VRK3: variants seen among roughly 807,000 people sequenced by gnomAD.
VRK3 encodes serine/threonine-protein kinase VRK3.
VRK3 carries 50 observed loss-of-function variants against 60.4 expected under a neutral mutation model. That is an observed-to-expected ratio of 0.83 (90% CI 0.66 to 1.05). VRK3 has a LOEUF of 1.05. Ranked by LOEUF, VRK3 falls within the 50% of genes least tolerant of loss-of-function variation. The pLI is 0.00. For missense variants in VRK3, 549 were observed against 585.3 expected, an observed-to-expected ratio of 0.94 and a Z score of 0.64; for synonymous variants, 246 against 227.8, an observed-to-expected ratio of 1.08 and a Z score of -0.72.
In VRK3 at chr19:49,994,985, G is replaced by A. The variant is rs574089274; in HGVS notation, c.765-66C>T. 12 of 1,489,292 alleles carry A rather than the reference G, an allele frequency of 8.1e-6. No individual in the cohort carries two copies. The East Asian group carries it at 1.9e-4, about 23-fold the overall frequency. The allele number at this position is 1,489,292 out of a possible 1,614,324, so 92.3% of individuals were successfully genotyped here. A position where few individuals can be genotyped will look rare whatever the true frequency, so the allele number is the denominator to read the frequency against. ...GGGAGAGAGGAGTACCGGCCGCCAAGGATGGACTGTTGCGTGGGCTGCAAG... is the reference window on the plus strand; with the variant it reads ...GGGAGAGAGGAGTACCGGCCGCCAAAGATGGACTGTTGCGTGGGCTGCAAG... On this transcript the variant is annotated intron_variant, in intron 8 of 14. Transcript: ENST00000316763.
chr19:50,005,746 G>A lies in VRK3; in HGVS notation c.547+1823C>T, dbSNP rs1207320440. Among the ~76,000 whole-genome samples, 4 of 149,720 alleles carry A rather than the reference G, an allele frequency of 2.7e-5. No homozygotes were observed. The East Asian group carries it at 5.8e-4, about 22-fold the overall frequency. ...CATGGATGCACCTTGAGCACACGCC[G>A]CTGGGTGAGGGATGCCAGACACAAG... On this transcript the variant is annotated intron_variant, in intron 5 of 14. Transcript: ENST00000316763.
chr19:49,988,084 G>C (rs972344608), intron 12 of VRK3: 1 of 261,462 alleles, frequency 3.8e-6, no homozygotes, highest in East Asian at 8.5e-5. Context: ...AGTCCCATAA[G>C]GTAGTAGCTA....
rs140104184 is a variant in VRK3, at chr19:50,020,974, A to G, written c.-64-327T>C. 2.0e-3 allele frequency among the ~76,000 whole-genome samples: 300 copies of G among 152,340 alleles called. 2 individuals are homozygous for G. Among genetic ancestry groups the G allele is most frequent in the African/African-American group, 5.3e-3 (220 of 41,572 alleles). On this transcript the variant is annotated intron_variant, in intron 1 of 14. Coordinates refer to ENST00000316763, the MANE Select transcript of VRK3 (RefSeq NM_016440.4). ...ACAATAAAGTACCATAGAAGAAAACAGGATGCCACAGAGGTTGGTGGGTCA... is the reference window on the plus strand; with the variant it reads ...ACAATAAAGTACCATAGAAGAAAACGGGATGCCACAGAGGTTGGTGGGTCA...
rs138464299 is a variant in VRK3, at chr19:50,023,471, G to A, written c.-65+1796C>T. ...CCTGGGATTACAGGCTCGAGCCACC[G>A]TGCCTGGCCCTGGACACCATTTTAC... On this transcript the variant is annotated intron_variant, in intron 1 of 14. Coordinates refer to ENST00000316763, the MANE Select transcript of VRK3 (RefSeq NM_016440.4). 7.4e-3 allele frequency among the ~76,000 whole-genome samples: 1,132 copies of A among 152,264 alleles called. 10 individuals carry two copies. The highest frequency in any genetic ancestry group is 0.013 in the Non-Finnish European group (884 of 68,020).
At chr19:50,003,271 A>G (rs1485573257) in intron 5 of VRK3, among the ~76,000 whole-genome samples, 1 of 152,178 alleles carries the variant, frequency 6.6e-6, no homozygotes, top group Non-Finnish European at 1.5e-5. Context: ...TAAACTTCGT[A>G]CCCAGTGATT....
chr19:50,000,207 T>G (rs2076778121), intron 6 of VRK3: 1 of 152,880 alleles, frequency 6.5e-6, no homozygotes, highest in Non-Finnish European at 1.5e-5. Context: ...CACGATGCCC[T>G]TCTGTTAGGC....
chr19:50,003,452 C>T (rs927044980), intron 5 of VRK3, among the ~76,000 whole-genome samples: 4 of 152,250 alleles, frequency 2.6e-5, no homozygotes, highest in Non-Finnish European at 5.9e-5. Flanking sequence ...CTGCTGCTCA[C>T]GGGCAGCTCT....
intron 5 of VRK3, among the ~76,000 whole-genome samples, chr19:50,002,599 G>A (rs1318414074): frequency 6.6e-6 from 1 of 152,178 alleles, no homozygotes; most frequent in Non-Finnish European, 1.5e-5. Context: ...TTTATAATCT[G>A]CTTTGCAGAT....
chr19:49,980,798 T>C (rs938959045), intron 13 of VRK3, among the ~76,000 whole-genome samples, 157 bp downstream of exon 13: 1 of 152,204 alleles, frequency 6.6e-6, no homozygotes, highest in Non-Finnish European at 1.5e-5. Flanking sequence ...AGTGAATCTT[T>C]TGACGATTTT....
At chr19:49,979,595 T>C (rs2076389010) in intron 13 of VRK3, among the ~76,000 whole-genome samples, 1 of 152,102 alleles carries the variant, frequency 6.6e-6, no homozygotes. Context: ...CATATAAATA[T>C]TTAGCATGTA....
intron 11 of VRK3, among the ~76,000 whole-genome samples, chr19:49,989,023 T>A (rs2076565340): frequency 6.6e-6 from 1 of 152,184 alleles, no homozygotes; most frequent in African/African-American, 2.4e-5. Context: ...CAACGCTTTG[T>A]GTAAGCACTC....
At position 50,007,625 on chromosome 19, in the gene VRK3, C is replaced by G; in HGVS notation, c.491G>C (p.Arg164Pro). The G allele has an allele frequency of 6.2e-7, 1 of 1,614,216 alleles. No individual in the cohort carries two copies. The highest frequency in any genetic ancestry group is 2.2e-5 in the East Asian group (1 of 44,888). ...TGTVLTDKSG[R>P]QWKLKSFQTR... ...CTGGAAGGACTTCAGCTTCCACTGT[C>G]GCCCACTCTTGTCTGTCAGCACTGT... is the stretch of plus-strand genomic sequence containing the variant. Residue 164 changes from arginine (R) to proline (P), a missense_variant, in exon 5 of 15, where the codon CGA becomes CCA. By Grantham distance (103) the Arg-to-Pro change is moderately radical. Transcript: ENST00000316763.
At chr19:50,010,059 T>TATATATATATAC (rs143020431) in intron 3 of VRK3, among the ~76,000 whole-genome samples, 1 of 150,996 alleles carries the variant, frequency 6.6e-6, no homozygotes, top group African/African-American at 2.4e-5. Flanking sequence ...TATATATATA[T>TATATATATATAC]ACACACACAC....
chr19:50,003,000 G>A (rs1200193800), intron 5 of VRK3, among the ~76,000 whole-genome samples: 4 of 152,170 alleles, frequency 2.6e-5, no homozygotes, highest in Non-Finnish European at 4.4e-5. Context: ...CGTTTTCCCG[G>A]CATCACTCTA....
At chr19:50,022,931 C>T (rs2077194114) in intron 1 of VRK3, among the ~76,000 whole-genome samples, 1 of 152,048 alleles carries the variant, frequency 6.6e-6, no homozygotes, top group Admixed American at 6.6e-5. Flanking sequence ...GTATGATCTG[C>T]CACTTCCCTG....
chr19:49,990,438 G>T (rs1000636166), intron 10 of VRK3, among the ~76,000 whole-genome samples: 5 of 152,162 alleles, frequency 3.3e-5, no homozygotes, highest in African/African-American at 1.2e-4. Context: ...CCAGGCTGGA[G>T]TGCAGTGGCG....
chr19:49,995,051 G>T, intron 8 of VRK3, 132 bp from the exon 9 acceptor site: 1 of 1,264,296 alleles, frequency 7.9e-7, no homozygotes, highest in East Asian at 2.5e-5. Flanking sequence ...GACTGGCTGG[G>T]CAGCAAACTA....
intron 5 of VRK3, among the ~76,000 whole-genome samples, chr19:50,003,318 C>G (rs2076840072): frequency 1.3e-5 from 2 of 152,372 alleles, no homozygotes; most frequent in South Asian, 2.1e-4. Context: ...GGAGAATAAG[C>G]ATGTGCTGTG....
At chr19:49,985,760 G>A (rs1292627904) in intron 12 of VRK3, among the ~76,000 whole-genome samples, 1 of 152,180 alleles carries the variant, frequency 6.6e-6, no homozygotes, top group Non-Finnish European at 1.5e-5. Context: ...CTAGCACATG[G>A]CAAGGGTTCA....
Sources: gnomAD v4.1 joint callset for allele counts (sites outside exome capture counted in the v4.1 genomes callset) on GRCh38, gnomAD v4.1.1 for gene constraint, MANE v1.5 for transcripts, NCBI Gene and HGNC (gene_info 2026-07-23, HGNC 2026-07-21) for gene names.